CTNNA2: variants seen among roughly 807,000 people sequenced by gnomAD.
CTNNA2 encodes catenin alpha-2.
Under a neutral mutation model 101.0 loss-of-function variants are expected in CTNNA2, and 42 were observed. That is an observed-to-expected ratio of 0.42 (90% CI 0.32 to 0.54). The LOEUF (loss-of-function observed/expected upper bound fraction) is 0.54, where lower values mean the gene tolerates loss of function less well. Ranked by LOEUF, CTNNA2 falls within the 20% of genes least tolerant of loss-of-function variation. CTNNA2 has a pLI of 0.14. For missense variants in CTNNA2, 871 were observed against 1,223.1 expected, an observed-to-expected ratio of 0.71 and a Z score of 4.29; for synonymous variants, 450 against 456.4, an observed-to-expected ratio of 0.99 and a Z score of 0.18.
At chr2:79,414,423 A>G (rs1357565723) in intron 4 of CTNNA2, among the ~76,000 whole-genome samples, 1 of 152,228 alleles carries the variant, frequency 6.6e-6, no homozygotes, top group East Asian at 1.9e-4. Flanking sequence ...CACTAGCTCA[A>G]TGAGTTATCA....
intron 14 of CTNNA2, among the ~76,000 whole-genome samples, chr2:80,586,710 A>G (rs911315067): frequency 3.3e-5 from 5 of 152,222 alleles, no homozygotes; most frequent in African/African-American, 1.2e-4. Flanking sequence ...TTTATCTTTC[A>G]AGATATAGTA....
At chr2:79,326,691 A>C (rs190079705) in intron 3 of CTNNA2, among the ~76,000 whole-genome samples, 115 of 152,340 alleles carry the variant, frequency 7.5e-4, no homozygotes, top group African/African-American at 2.6e-3. Flanking sequence ...AACAAGCTTT[A>C]ATACAGCTCA....
At chr2:79,398,417 CCTATAGT>C (rs2104478412) in intron 4 of CTNNA2, among the ~76,000 whole-genome samples, 1 of 152,158 alleles carries the variant, frequency 6.6e-6, no homozygotes, top group East Asian at 1.9e-4. Flanking sequence ...GTAACTCATG[CCTATAGT>C]CTACAGTGTC....
chr2:79,322,495 A>G (rs536425303), intron 3 of CTNNA2, among the ~76,000 whole-genome samples: 30 of 152,246 alleles, frequency 2.0e-4, no homozygotes, highest in Non-Finnish European at 3.8e-4. Flanking sequence ...TGCATTGTCA[A>G]TTTTCCAAAA....
At chr2:80,271,522 C>T (rs975155884) in intron 7 of CTNNA2, among the ~76,000 whole-genome samples, 4 of 151,778 alleles carry the variant, frequency 2.6e-5, no homozygotes, top group South Asian at 2.1e-4. Context: ...CCCGTGTTCA[C>T]GCCATTCTCC....
chr2:80,345,221 T>G (rs1672628087), intron 7 of CTNNA2, among the ~76,000 whole-genome samples: 1 of 152,174 alleles, frequency 6.6e-6, no homozygotes, highest in Non-Finnish European at 1.5e-5. Flanking sequence ...CCCCCTTATC[T>G]CACAGATGTT....
intron 7 of CTNNA2, among the ~76,000 whole-genome samples, chr2:80,124,665 A>G (rs1408326095): frequency 6.6e-6 from 1 of 152,196 alleles, no homozygotes; most frequent in African/African-American, 2.4e-5. Context: ...TGTTGCATCA[A>G]AGAGACCTGG....
chr2:79,917,937 A>C (rs1686370849), intron 7 of CTNNA2, among the ~76,000 whole-genome samples: 1 of 152,168 alleles, frequency 6.6e-6, no homozygotes, highest in Non-Finnish European at 1.5e-5. Flanking sequence ...AGAGCTATGG[A>C]ACACAGATGT....
At chr2:79,936,731 A>G (rs1163451462) in intron 7 of CTNNA2, among the ~76,000 whole-genome samples, 1 of 152,154 alleles carries the variant, frequency 6.6e-6, no homozygotes, top group Non-Finnish European at 1.5e-5. Flanking sequence ...TTCCAGGGGT[A>G]GAGGTCTAAA....
chr2:79,594,306 G>A (rs945196109), intron 1 of CTNNA2, among the ~76,000 whole-genome samples: 11 of 152,176 alleles, frequency 7.2e-5, no homozygotes, highest in Non-Finnish European at 1.6e-4. Context: ...CAGCTGTGTA[G>A]CACAGAGGTT....
intron 6 of CTNNA2, among the ~76,000 whole-genome samples, chr2:79,908,812 T>G (rs1685595559): frequency 6.6e-6 from 1 of 152,212 alleles, no homozygotes; most frequent in Admixed American, 6.5e-5. Context: ...CTATAAAGAC[T>G]GTTATAGCTC....
intron 7 of CTNNA2, among the ~76,000 whole-genome samples, chr2:80,188,389 G>T (rs1175224069): frequency 6.6e-6 from 1 of 152,152 alleles, no homozygotes; most frequent in Non-Finnish European, 1.5e-5. Context: ...GAGTGTCCCT[G>T]GATCCTTTCA....
intron 6 of CTNNA2, among the ~76,000 whole-genome samples, chr2:79,899,479 G>A (rs1360851381): frequency 2.0e-5 from 3 of 152,048 alleles, no homozygotes; most frequent in African/African-American, 4.8e-5. Flanking sequence ...GAACTTCCTC[G>A]CCCAGTTTAT....
chr2:80,518,345 C>A (rs538853734), intron 9 of CTNNA2, among the ~76,000 whole-genome samples: 1 of 152,320 alleles, frequency 6.6e-6, no homozygotes, highest in Admixed American at 6.5e-5. Context: ...CTTCTTCCTA[C>A]ACCCACAGAA....
intron 2 of CTNNA2, among the ~76,000 whole-genome samples, chr2:79,680,937 A>G (rs375301633): frequency 1.3e-5 from 2 of 152,318 alleles, no homozygotes; most frequent in South Asian, 2.1e-4. Context: ...GAACTTCAGG[A>G]CAGCAACAGG....
intron 3 of CTNNA2, among the ~76,000 whole-genome samples, chr2:79,777,411 C>A (rs1674061995): frequency 6.6e-6 from 1 of 151,226 alleles, no homozygotes; most frequent in Admixed American, 6.6e-5. Flanking sequence ...TTCCTTACCA[C>A]ATTATGACTA....
intron 7 of CTNNA2, among the ~76,000 whole-genome samples, chr2:80,354,868 T>C (rs1473553667): frequency 6.6e-6 from 1 of 152,276 alleles, no homozygotes; most frequent in East Asian, 1.9e-4. Flanking sequence ...GAAGATCTGC[T>C]GTCAGGGGTG....
chr2:80,419,516 T>C lies in CTNNA2; in HGVS notation c.1205T>C (p.Leu402Pro), dbSNP rs756943309. The change falls in exon 9 of 19, where the codon CTC (leucine) becomes CCC (proline). Residue 402 changes from leucine (L) to proline (P), a missense_variant. By Grantham distance (98) the Leu-to-Pro change is moderately conservative. Coordinates refer to ENST00000402739, the MANE Select transcript of CTNNA2 (RefSeq NM_001282597.3). ...GAAACCAATGTTCCTTTGCTAGTTC[T>C]CATTGAGGCTGCAAAGAGCGGAAAT... is the stretch of plus-strand genomic sequence containing the variant. ...FLETNVPLLVLIEAAKSGNEK... is the reference protein window; with the variant it reads ...FLETNVPLLVPIEAAKSGNEK... The C allele has an allele frequency of 1.2e-6, 2 of 1,613,650 alleles. No individual in the cohort carries two copies. The highest frequency in any genetic ancestry group is 1.7e-6 in the Non-Finnish European group (2 of 1,179,610).
At chr2:79,208,169 T>A (rs1354446224) in intron 2 of CTNNA2, among the ~76,000 whole-genome samples, 1 of 152,116 alleles carries the variant, frequency 6.6e-6, no homozygotes, top group Non-Finnish European at 1.5e-5. Flanking sequence ...AAAATGCCCA[T>A]CATGAATGGG....
Sources: allele counts gnomAD v4.1 joint callset (sites outside exome capture counted in the v4.1 genomes callset), GRCh38; gene constraint gnomAD v4.1.1; transcripts MANE v1.5; gene names NCBI Gene and HGNC (gene_info 2026-07-23, HGNC 2026-07-21).